Variants in LRRC63 observed in about 807,000 individuals in gnomAD.
The protein encoded by LRRC63 is leucine-rich repeat-containing protein 63.
In LRRC63, 40 loss-of-function variants were observed where a neutral mutation model predicts 49.5. The ratio of observed to expected loss-of-function variants is 0.81; its 90% CI spans 0.63 to 1.05. The LOEUF (loss-of-function observed/expected upper bound fraction) is 1.05. LRRC63 is among the 50% of genes least tolerant of loss of function. The pLI is 0.00. For synonymous variants in LRRC63, 191 were observed against 221.1 expected (o/e 0.86, Z 1.21); for missense variants, 636 against 663.1 (o/e 0.96, Z 0.45).
chr13:46,227,896 C>G (rs2046624398), exon 3 of LRRC63: 1 of 1,550,428 alleles, frequency 6.4e-7, no homozygotes, highest in African/African-American at 1.4e-5. Context: ...TCCAAGTTTT[C>G]CAAACCTAAA....
At chr13:46,215,142 T>C (rs895658916) in intron 2 of LRRC63, among the ~76,000 whole-genome samples, 2 of 152,262 alleles carry the variant, frequency 1.3e-5, no homozygotes, top group African/African-American at 4.8e-5. Context: ...ATGGGATTGC[T>C]GGATCAAATG....
chr13:46,231,420 C>T (rs955049194), intron 4 of LRRC63, among the ~76,000 whole-genome samples: 8 of 152,154 alleles, frequency 5.3e-5, no homozygotes, highest in African/African-American at 1.9e-4. Context: ...AGCTTTTACT[C>T]ATGGCAGAAG....
At chr13:46,241,968 G>GT (rs1414956899) in intron 5 of LRRC63, among the ~76,000 whole-genome samples, 3 of 152,088 alleles carry the variant, frequency 2.0e-5, no homozygotes, top group Non-Finnish European at 4.4e-5. Flanking sequence ...CCATTACTGG[G>GT]TATATACCCA....
chr13:46,258,031 G>A (rs1053941489), intron 7 of LRRC63, among the ~76,000 whole-genome samples: 7 of 151,244 alleles, frequency 4.6e-5, no homozygotes, highest in African/African-American at 1.7e-4. Flanking sequence ...AGTTTCATGA[G>A]ACTCAAAGTG....
chr13:46,260,233 G>A (rs1455743144), intron 7 of LRRC63, among the ~76,000 whole-genome samples: 1 of 152,192 alleles, frequency 6.6e-6, no homozygotes, highest in East Asian at 1.9e-4. Context: ...AAGATAGAAT[G>A]ACTCCAGAAA....
intron 9 of LRRC63, chr13:46,270,382 C>T (rs760720207): frequency 5.8e-6 from 5 of 859,376 alleles, no homozygotes; most frequent in Non-Finnish European, 8.1e-6. Context: ...GTAAGATTTA[C>T]TGCTCAGATG....
chr13:46,223,022 G>A lies in LRRC63; in HGVS notation c.86-4490G>A, dbSNP rs1251331514. Among the ~76,000 whole-genome samples, 8 of 142,320 alleles carry A rather than the reference G, an allele frequency of 5.6e-5. No individual in the cohort carries two copies. The East Asian group carries it at 1.7e-3, about 30-fold the overall frequency. The allele number at this position is 142,320 out of a possible 152,430, so 93.4% of individuals were successfully genotyped here. A position where few individuals can be genotyped will look rare whatever the true frequency, so the allele number is the denominator to read the frequency against. On this transcript the variant is annotated intron_variant, in intron 2 of 9. Transcript: ENST00000595396. The stretch of plus-strand genomic sequence containing the variant: ...TGGTAATTGAACAATGAGAACACAT[G>A]GACACAGGAAGGGGAACATCACACT...
intron 4 of LRRC63, among the ~76,000 whole-genome samples, chr13:46,232,055 T>A (rs1316087366): frequency 1.0e-4 from 15 of 145,570 alleles, no homozygotes; most frequent in South Asian, 4.4e-4. Context: ...GACCTCGTGA[T>A]CCGCCGGCCT....
At chr13:46,237,110 A>G (rs994984331) in intron 5 of LRRC63, among the ~76,000 whole-genome samples, 1 of 152,192 alleles carries the variant, frequency 6.6e-6, no homozygotes, top group Non-Finnish European at 1.5e-5. Flanking sequence ...TTAATTAAAT[A>G]CAAAGAAGGC....
chr13:46,276,182 A>G (rs2047833783), intron 9 of LRRC63, among the ~76,000 whole-genome samples: 1 of 151,612 alleles, frequency 6.6e-6, no homozygotes, highest in South Asian at 2.1e-4. Context: ...AGGTTATGAT[A>G]GTACCTTTAT....
chr13:46,239,375 TA>T (rs1455822027), intron 5 of LRRC63, among the ~76,000 whole-genome samples: 1 of 151,988 alleles, frequency 6.6e-6, no homozygotes, highest in Non-Finnish European at 1.5e-5. Context: ...GCACACAAAG[TA>T]GAAAACCTAG....
At chr13:46,232,612 C>T (rs1210826538) in intron 4 of LRRC63, among the ~76,000 whole-genome samples, 1 of 151,894 alleles carries the variant, frequency 6.6e-6, no homozygotes, top group East Asian at 1.9e-4. Context: ...TGTTTTCTGC[C>T]TAATCAAGGA....
chr13:46,272,133 A>C (rs1365499634), intron 9 of LRRC63, among the ~76,000 whole-genome samples: 1 of 152,222 alleles, frequency 6.6e-6, no homozygotes, highest in Non-Finnish European at 1.5e-5. Context: ...ATGTGGATAC[A>C]TTGGACAAAG....
rs150957081 is a variant in LRRC63, at chr13:46,267,534, T to C, written c.1550+562T>C. 2.3e-3 allele frequency among the ~76,000 whole-genome samples: 354 copies of C among 152,350 alleles called. 3 individuals are homozygous for C. Among genetic ancestry groups the C allele is most frequent in the African/African-American group, 8.3e-3 (345 of 41,580 alleles). ...CATTGAATTATTGACCATCAGTGCTTAGGTTATTAATTTAACAAATATTTG... is the reference window on the plus strand; with the variant it reads ...CATTGAATTATTGACCATCAGTGCTCAGGTTATTAATTTAACAAATATTTG... On this transcript the variant is annotated intron_variant, in intron 9 of 9. Transcript: ENST00000595396.
intron 5 of LRRC63, among the ~76,000 whole-genome samples, chr13:46,245,968 G>A (rs894197016): frequency 2.0e-5 from 3 of 152,140 alleles, no homozygotes; most frequent in African/African-American, 7.2e-5. Context: ...CATGTCAAAT[G>A]GTAATCTCCA....
chr13:46,269,482 A>G (rs184370832), intron 9 of LRRC63, among the ~76,000 whole-genome samples: 8 of 152,052 alleles, frequency 5.3e-5, no homozygotes, highest in Admixed American at 3.9e-4. Flanking sequence ...AAACAATAAA[A>G]TCAGATTCCA....
rs188612952 is a variant in LRRC63 at position 46,240,915 on chromosome 13, C to T, written c.991-5612C>T. ...ATTAAAATGGCCATACTGACGAAAG[C>T]GATTTATAGATTGAATGCTATTCCT... On this transcript the variant is annotated intron_variant, in intron 5 of 9. Coordinates refer to ENST00000595396, the Ensembl canonical transcript of LRRC63. 4.1e-4 allele frequency among the ~76,000 whole-genome samples: 63 copies of T among 152,182 alleles called. No homozygotes were observed. In the East Asian group the frequency reaches 8.1e-3, roughly 20 times the overall value.
At chr13:46,236,928 A>G (rs1198452632) in intron 5 of LRRC63, among the ~76,000 whole-genome samples, 1 of 152,202 alleles carries the variant, frequency 6.6e-6, no homozygotes, top group Non-Finnish European at 1.5e-5. Flanking sequence ...ATGAAGCCAT[A>G]TAGGAACAGA....
intron 5 of LRRC63, among the ~76,000 whole-genome samples, chr13:46,236,738 G>A (rs933634917): frequency 6.6e-6 from 1 of 152,096 alleles, no homozygotes; most frequent in Non-Finnish European, 1.5e-5. Flanking sequence ...AAGAAATAAA[G>A]AACTCTGATG....
Sources: gnomAD v4.1 joint callset for allele counts (sites outside exome capture counted in the v4.1 genomes callset) on GRCh38, gnomAD v4.1.1 for gene constraint, MANE v1.5 for transcripts, NCBI Gene and HGNC (gene_info 2026-07-23, HGNC 2026-07-21) for gene names.